The following COL25A1 variants were observed in gnomAD, a reference collection of about 807,000 sequenced individuals.
COL25A1 encodes the protein collagen alpha-1(XXV) chain.
COL25A1 carries 103 observed loss-of-function variants against 128.4 expected under a neutral mutation model. The ratio of observed to expected loss-of-function variants is 0.80; its 90% CI spans 0.68 to 0.94. COL25A1 has a LOEUF of 0.94. Among genes scored for constraint, COL25A1 ranks in the 40% least tolerant of loss-of-function variants. COL25A1 has a pLI of 0.00. For missense variants in COL25A1, 745 were observed against 840.0 expected (o/e 0.89, Z 1.40); for synonymous variants, 279 against 277.2 (o/e 1.01, Z -0.06).
intron 18 of COL25A1, among the ~76,000 whole-genome samples, chr4:108,884,857 T>C (rs960334258): frequency 5.3e-5 from 8 of 152,228 alleles, no homozygotes; most frequent in African/African-American, 1.9e-4. Context: ...TGTTGCTGAA[T>C]ACAGGTTTGA....
Position 109,054,945 on chromosome 4 carries a change from T to A in COL25A1, c.368-4766A>T, listed in dbSNP as rs370593688. Reference sequence around the variant, plus strand: ...CTGGCTCTTGGGAGGGAGGAACCTGTCTGGGCACAGGGAGACAGCGGATCA... The same window carrying A: ...CTGGCTCTTGGGAGGGAGGAACCTGACTGGGCACAGGGAGACAGCGGATCA... On this transcript the variant is annotated intron_variant, in intron 3 of 37. Transcript: ENST00000399132. 1.5e-4 allele frequency among the ~76,000 whole-genome samples: 23 copies of A among 152,268 alleles called. No homozygotes were observed. The South Asian group carries it at 4.6e-3, about 30-fold the overall frequency.
In COL25A1 at chr4:108,860,990, G is replaced by A. The variant is rs1177881071; in HGVS notation, c.1198-19C>T. ...GATCCCCCTTTTCCCGTTGGAAAGA[G>A]AAAAAACTTAATCAGAAGTGGGGGA... On this transcript the variant is annotated intron_variant, in intron 22 of 37. Coordinates refer to ENST00000399132, the MANE Select transcript of COL25A1 (RefSeq NM_198721.4). 1 of 1,611,766 alleles carries A rather than the reference G, an allele frequency of 6.2e-7. No homozygotes were observed. The highest frequency in any genetic ancestry group is 1.7e-5 in the Admixed American group (1 of 59,952).
intron 3 of COL25A1, among the ~76,000 whole-genome samples, chr4:109,284,358 G>A (rs780937293): frequency 6.6e-6 from 1 of 152,232 alleles, no homozygotes; most frequent in Non-Finnish European, 1.5e-5. Context: ...CTAGAAGGTA[G>A]AGGTTGCAGT....
intron 8 of COL25A1, among the ~76,000 whole-genome samples, chr4:108,954,276 A>G (rs1749800606): frequency 6.6e-6 from 1 of 152,116 alleles, no homozygotes; most frequent in Non-Finnish European, 1.5e-5. Context: ...AAATCATAAA[A>G]TAAACTTTCT....
chr4:108,929,658 C>A (rs1219730365), intron 11 of COL25A1, among the ~76,000 whole-genome samples: 4 of 151,980 alleles, frequency 2.6e-5, no homozygotes, highest in Non-Finnish European at 2.9e-5. Context: ...CCTCCATCTC[C>A]ATAAAACATA....
chr4:109,117,258 A>AG lies in COL25A1; in HGVS notation c.368-67080dup, dbSNP rs560782431. Among the ~76,000 whole-genome samples, 271 of 152,080 alleles carry AG rather than the reference A, an allele frequency of 1.8e-3. 3 individuals are homozygous for AG. The highest frequency in any genetic ancestry group is 6.3e-3 in the African/African-American group (260 of 41,542). On this transcript the variant is annotated intron_variant, in intron 3 of 37. Coordinates refer to ENST00000399132, the MANE Select transcript of COL25A1 (RefSeq NM_198721.4). ...AAATCTTGAAAGAGACCAGAGGGGG[A>AG]GAAAAACACCTTATCTATTGAGGAA...
chr4:108,827,939 A>G (rs1732578720), intron 32 of COL25A1, among the ~76,000 whole-genome samples: 1 of 152,064 alleles, frequency 6.6e-6, no homozygotes, highest in Non-Finnish European at 1.5e-5. Context: ...AGACCCATAA[A>G]GCTTATGACC....
intron 6 of COL25A1, among the ~76,000 whole-genome samples, chr4:108,990,122 G>C (rs1216771829): frequency 2.8e-5 from 4 of 145,112 alleles, no homozygotes; most frequent in Non-Finnish European, 6.0e-5. Flanking sequence ...TGAGACAGGA[G>C]AATCGCTTGA....
chr4:109,219,161 G>C (rs1019062470), intron 3 of COL25A1, among the ~76,000 whole-genome samples: 1 of 152,070 alleles, frequency 6.6e-6, no homozygotes, highest in Non-Finnish European at 1.5e-5. Context: ...AGTCTGGAAG[G>C]CTTGATTTAT....
chr4:109,163,555 C>G (rs1007789340), intron 3 of COL25A1, among the ~76,000 whole-genome samples: 21 of 152,304 alleles, frequency 1.4e-4, no homozygotes, highest in African/African-American at 4.6e-4. Context: ...CATTTCCCCC[C>G]AGCAGGAATT....
rs527266328 is a variant in COL25A1, at chr4:109,134,582, C to T, written c.368-84403G>A. 6.0e-4 allele frequency among the ~76,000 whole-genome samples: 92 copies of T among 152,184 alleles called. 1 individual carries two copies. Among genetic ancestry groups the T allele is most frequent in the African/African-American group, 2.1e-3 (89 of 41,530 alleles). ...TATGATATCTATAAGCATGACATAG[C>T]CCTCAGGTGTTTGGGGAAGAAAAAG... On this transcript the variant is annotated intron_variant, in intron 3 of 37. Transcript: ENST00000399132.
chr4:109,080,096 T>C (rs1361810376), intron 3 of COL25A1, among the ~76,000 whole-genome samples: 1 of 152,050 alleles, frequency 6.6e-6, no homozygotes, highest in Non-Finnish European at 1.5e-5. Context: ...CACACCACCA[T>C]TAACAACACG....
chr4:109,029,112 C>T (rs1446021703), intron 5 of COL25A1, among the ~76,000 whole-genome samples: 1 of 152,098 alleles, frequency 6.6e-6, no homozygotes, highest in Non-Finnish European at 1.5e-5. Flanking sequence ...ATCTGGGAAA[C>T]ATATGGGGTC....
At chr4:109,165,220 T>C (rs148554693) in intron 3 of COL25A1, among the ~76,000 whole-genome samples, 43 of 152,274 alleles carry the variant, frequency 2.8e-4, no homozygotes, top group Non-Finnish European at 5.7e-4. Flanking sequence ...TTAAGTTTTA[T>C]AGCTTTCAAG....
In COL25A1 at chr4:108,884,170, G is replaced by A. The variant is rs1578652929; in HGVS notation, c.1020+8C>T. On this transcript the variant is annotated splice_region_variant and intron_variant, in intron 19 of 37. Transcript: ENST00000399132. ...CTGTGAAGCCGAGACTGTCCGTGCA[G>A]TATTTACCTTTATCCCCGGAAGTCC... is the stretch of plus-strand genomic sequence containing the variant. 1 of 1,613,464 alleles carries A rather than the reference G, an allele frequency of 6.2e-7. No homozygotes were observed. The highest frequency in any genetic ancestry group is 8.5e-7 in the Non-Finnish European group (1 of 1,179,600).
intron 3 of COL25A1, among the ~76,000 whole-genome samples, chr4:109,158,985 T>C (rs1056146380): frequency 6.6e-6 from 1 of 152,232 alleles, no homozygotes; most frequent in African/African-American, 2.4e-5. Flanking sequence ...TTGTATTTTA[T>C]TATGTATTTA....
At chr4:108,817,277 T>A in intron 37 of COL25A1, 120 bp downstream of exon 37, 1 of 857,394 alleles carries the variant, frequency 1.2e-6, no homozygotes, top group Non-Finnish European at 1.9e-6. Flanking sequence ...TCAAAAGATA[T>A]TCTGGAGATG....
At chr4:109,233,104 T>C (rs1489553405) in intron 3 of COL25A1, among the ~76,000 whole-genome samples, 1 of 152,196 alleles carries the variant, frequency 6.6e-6, no homozygotes, top group African/African-American at 2.4e-5. Context: ...GGCTTTCACC[T>C]GCATATTAAG....
Position 108,920,606 on chromosome 4 carries a change from T to C in COL25A1, c.709-2A>G, listed in dbSNP as rs761506765. The C allele has an allele frequency of 6.2e-7, 1 of 1,600,986 alleles. No individual in the cohort carries two copies. Among genetic ancestry groups the C allele is most frequent in the Non-Finnish European group, 8.5e-7 (1 of 1,171,720 alleles). On this transcript the variant is annotated splice_acceptor_variant, in intron 11 of 37. Coordinates refer to ENST00000399132, the MANE Select transcript of COL25A1 (RefSeq NM_198721.4). LOFTEE classifies it high-confidence loss of function. ...TTGTCCCGGAGGCCCTAGAGGACCC[T>C]AAAAAAGAAAAACGATTCAATTAAC...
Sources: gnomAD v4.1 joint callset for allele counts (sites outside exome capture counted in the v4.1 genomes callset) on GRCh38, gnomAD v4.1.1 for gene constraint, MANE v1.5 for transcripts, NCBI Gene and HGNC (gene_info 2026-07-23, HGNC 2026-07-21) for gene names.